The following SOBP variants were observed in gnomAD, a reference collection of about 807,000 sequenced individuals.
SOBP encodes sine oculis-binding protein homolog.
A neutral mutation model predicts 53.6 loss-of-function variants in SOBP; 4 were observed. The ratio of observed to expected loss-of-function variants is 0.07; its 90% CI spans 0.04 to 0.17. The LOEUF (loss-of-function observed/expected upper bound fraction) is 0.17. Ranked by LOEUF, SOBP falls within the 10% of genes least tolerant of loss-of-function variation. The pLI, the probability that SOBP is intolerant of heterozygous loss-of-function variation, is 1.00. For missense variants in SOBP, 1,088 were observed against 1,204.7 expected (o/e 0.90, Z 1.43); for synonymous variants, 584 against 522.6 (o/e 1.12, Z -1.60).
At chr6:107,515,467 G>T (rs1225919159) in intron 3 of SOBP, among the ~76,000 whole-genome samples, 2 of 152,200 alleles carry the variant, frequency 1.3e-5, no homozygotes, top group Non-Finnish European at 2.9e-5. Context: ...GAAAACTTCT[G>T]TCTGGGTGTG....
rs753882086 is a variant in SOBP at position 107,634,526 on chromosome 6, A to T, written c.1682A>T (p.Asn561Ile). 3 of 1,610,714 alleles carry T rather than the reference A, an allele frequency of 1.9e-6. No individual in the cohort carries two copies. The highest frequency in any genetic ancestry group is 2.5e-6 in the Non-Finnish European group (3 of 1,179,806). Residue 561 changes from asparagine (N) to isoleucine (I), a missense_variant, in exon 6 of 7, where the codon AAC (asparagine) becomes ATC (isoleucine). Transcript: ENST00000317357. This position sits in a 1 kb window ranked among gnomAD's most constrained non-coding sequence, Gnocchi z 4.5. ...PPNGFSSNGENFIPNAPGDSA... is the reference protein window; with the variant it reads ...PPNGFSSNGEIFIPNAPGDSA... The stretch of plus-strand genomic sequence containing the variant: ...AACGGGTTCTCCAGCAACGGGGAGA[A>T]CTTCATTCCGAACGCCCCTGGCGAC...
Position 107,634,506 on chromosome 6 carries a change from G to A in SOBP, c.1662G>A (p.Gly554=). 3 of 1,611,594 alleles carry A rather than the reference G, an allele frequency of 1.9e-6. No individual in the cohort carries two copies. The highest frequency in any genetic ancestry group is 3.3e-4 in the Middle Eastern group (2 of 6,062). ...TCAGCGACTCCAAGCCCCCCAACGG[G>A]TTCTCCAGCAACGGGGAGAACTTCA... ...PHVSDSKPPN[G]FSSNGENFIP... is the part of the protein sequence containing the mutation. Residue 554 remains glycine, a synonymous_variant, in exon 6 of 7, where the codon GGG becomes GGA. Transcript: ENST00000317357. This position sits in a 1 kb window ranked among gnomAD's most constrained non-coding sequence, Gnocchi z 4.5.
chr6:107,578,092 AAAAG>A (rs552012700), intron 4 of SOBP, among the ~76,000 whole-genome samples: 7,167 of 145,634 alleles, frequency 0.049, 132 homozygotes, highest in Middle Eastern at 0.072. Context: ...AAAAAAAAAA[AAAAG>A]AAGAAGTTCG....
At chr6:107,559,591 A>G (rs760309326) in intron 4 of SOBP, among the ~76,000 whole-genome samples, 1 of 152,254 alleles carries the variant, frequency 6.6e-6, no homozygotes, top group Non-Finnish European at 1.5e-5. Flanking sequence ...TAATCTCCTG[A>G]TCATCCATCC....
intron 3 of SOBP, among the ~76,000 whole-genome samples, chr6:107,521,426 A>G (rs1783481399): frequency 6.6e-6 from 1 of 152,242 alleles, no homozygotes; most frequent in East Asian, 1.9e-4. Flanking sequence ...GTCAAATTAC[A>G]TTCTAGGGCT....
intron 4 of SOBP, among the ~76,000 whole-genome samples, chr6:107,580,706 G>C (rs2115051195): frequency 6.6e-6 from 1 of 152,338 alleles, no homozygotes; most frequent in African/African-American, 2.4e-5. Flanking sequence ...CAGGGACGTG[G>C]AGGAGAGAAA....
At chr6:107,644,725 C>T (rs1429431691) in intron 6 of SOBP, among the ~76,000 whole-genome samples, 1 of 152,154 alleles carries the variant, frequency 6.6e-6, no homozygotes, top group African/African-American at 2.4e-5. Flanking sequence ...AAACAGCATT[C>T]TCATGAGTTA....
chr6:107,607,496 AT>A (rs1223057812), intron 5 of SOBP, among the ~76,000 whole-genome samples: 4 of 152,084 alleles, frequency 2.6e-5, no homozygotes, highest in African/African-American at 4.8e-5. Flanking sequence ...AATGAATATA[AT>A]TTTTTTCCAT....
chr6:107,548,253 TTTTTG>T (rs1007707778), intron 4 of SOBP, among the ~76,000 whole-genome samples: 2 of 149,764 alleles, frequency 1.3e-5, no homozygotes, highest in Non-Finnish European at 2.9e-5. Flanking sequence ...TTCTGTTTTC[TTTTTG>T]TTTTTTTTTT....
intron 5 of SOBP, among the ~76,000 whole-genome samples, chr6:107,621,442 GAAATA>G (rs895755738): frequency 7.2e-5 from 11 of 152,150 alleles, no homozygotes; most frequent in Admixed American, 2.0e-4. Flanking sequence ...CCACAAACAG[GAAATA>G]AGCTTTTCAG....
chr6:107,499,842 T>G (rs534510698), intron 1 of SOBP, among the ~76,000 whole-genome samples: 6 of 151,962 alleles, frequency 3.9e-5, no homozygotes, highest in Admixed American at 3.3e-4. Flanking sequence ...AGTGGCTTGT[T>G]TTATTACTGA....
chr6:107,528,685 C>G (rs767660506), intron 3 of SOBP, among the ~76,000 whole-genome samples: 3 of 152,172 alleles, frequency 2.0e-5, no homozygotes, highest in Non-Finnish European at 4.4e-5. Flanking sequence ...TTTTCTTTGT[C>G]TATTGTTGTG....
intron 4 of SOBP, among the ~76,000 whole-genome samples, chr6:107,580,496 G>A (rs1785368979): frequency 1.3e-5 from 2 of 152,156 alleles, no homozygotes; most frequent in Admixed American, 6.5e-5. Flanking sequence ...ATAATGCATG[G>A]TCTCTGCCGT....
At chr6:107,632,774 C>T (rs1770774032) in intron 5 of SOBP, among the ~76,000 whole-genome samples, 1 of 152,136 alleles carries the variant, frequency 6.6e-6, no homozygotes, top group Non-Finnish European at 1.5e-5. Flanking sequence ...GGGAAAAAGC[C>T]ATAACAACTT....
At chr6:107,631,403 T>C (rs547511178) in intron 5 of SOBP, among the ~76,000 whole-genome samples, 1 of 152,234 alleles carries the variant, frequency 6.6e-6, no homozygotes, top group Non-Finnish European at 1.5e-5. Flanking sequence ...TATTTCATAG[T>C]GGAATTTAAG....
rs1384136897 is a variant in SOBP at position 107,506,369 on chromosome 6, T to C, written c.363T>C (p.His121=). 1.9e-6 allele frequency: 3 copies of C among 1,614,122 alleles called. No individual in the cohort carries two copies. Among genetic ancestry groups the C allele is most frequent in the Non-Finnish European group, 2.5e-6 (3 of 1,180,046 alleles). The change falls in exon 3 of 7, where the codon CAT becomes CAC. Residue 121 remains histidine, a synonymous_variant. Transcript: ENST00000317357. ...LSDSPAGSKD[H]GSVPIIVPLI... ...ACTCACCTGCAGGGTCAAAGGATCA[T>C]GGCAGTGTGCCCATTATTGTACCTT... is the stretch of plus-strand genomic sequence containing the variant.
intron 3 of SOBP, among the ~76,000 whole-genome samples, chr6:107,530,587 T>C (rs1231829525): frequency 6.6e-6 from 1 of 151,988 alleles, no homozygotes; most frequent in Non-Finnish European, 1.5e-5. Flanking sequence ...TACCGGAAAA[T>C]GTTTTTTAAA....
At chr6:107,551,743 G>T (rs1784464518) in intron 4 of SOBP, among the ~76,000 whole-genome samples, 1 of 152,062 alleles carries the variant, frequency 6.6e-6, no homozygotes, top group African/African-American at 2.4e-5. Flanking sequence ...GATTGGGGCT[G>T]GGCGCAGTGG....
chr6:107,598,823 A>G (rs1253360573), intron 5 of SOBP, among the ~76,000 whole-genome samples: 1 of 152,254 alleles, frequency 6.6e-6, no homozygotes, highest in Non-Finnish European at 1.5e-5. Flanking sequence ...TTTTATGATC[A>G]TCTTAATATA....
Sources: gnomAD v4.1 joint callset for allele counts (sites outside exome capture counted in the v4.1 genomes callset) on GRCh38, gnomAD v4.1.1 for gene constraint, Gnocchi (gnomAD v3.1) non-coding constraint, MANE v1.5 for transcripts, NCBI Gene and HGNC (gene_info 2026-07-23, HGNC 2026-07-21) for gene names.